ANO4: variants seen among roughly 807,000 people sequenced by gnomAD.
ANO4 encodes the protein anoctamin 4.
Under a neutral mutation model 141.9 loss-of-function variants are expected in ANO4, and 69 were observed. The observed-to-expected ratio is 0.49, with a 90% CI of 0.40 to 0.59. ANO4 has a LOEUF of 0.59. Among genes scored for constraint, ANO4 ranks in the 20% least tolerant of loss-of-function variants. The pLI is 0.00. For missense variants in ANO4, 894 were observed against 1,162.2 expected, an observed-to-expected ratio of 0.77 and a Z score of 3.36; for synonymous variants, 350 against 394.3, an observed-to-expected ratio of 0.89 and a Z score of 1.33.
chr12:100,912,521 G>A (rs1052434798), intron 2 of ANO4, among the ~76,000 whole-genome samples: 3 of 150,118 alleles, frequency 2.0e-5, no homozygotes, highest in Admixed American at 1.3e-4. Flanking sequence ...GTGACAGAGC[G>A]AGACTCCGTC....
intron 8 of ANO4, among the ~76,000 whole-genome samples, chr12:100,989,193 C>T (rs1481839537): frequency 6.6e-6 from 1 of 152,128 alleles, no homozygotes; most frequent in East Asian, 1.9e-4. Flanking sequence ...TTGAAGCAAA[C>T]ATGGAATTCA....
intron 2 of ANO4, among the ~76,000 whole-genome samples, chr12:100,913,367 A>G (rs2041197810): frequency 6.6e-6 from 1 of 152,196 alleles, no homozygotes; most frequent in Non-Finnish European, 1.5e-5. Context: ...ATAATTTTAT[A>G]TTTTAGAAGC....
At chr12:100,843,606 C>CA (rs2135820154) in intron 1 of ANO4, among the ~76,000 whole-genome samples, 1 of 152,298 alleles carries the variant, frequency 6.6e-6, no homozygotes, top group East Asian at 1.9e-4. Context: ...ATTTAGAAGA[C>CA]AGGTAGACGA....
chr12:101,004,342 TGTG>T lies in ANO4; in HGVS notation c.735-15688_735-15686del, dbSNP rs374958937. The stretch of plus-strand genomic sequence containing the variant: ...ACTCCTGGGGAGGAGATTCTGCCCT[TGTG>T]GTGCTGGGCCCTCAAGGATATGGGG... On this transcript the variant is annotated intron_variant, in intron 8 of 27. Coordinates refer to ENST00000392977, the MANE Select transcript of ANO4 (RefSeq NM_001286615.2). Among the ~76,000 whole-genome samples the T allele has an allele frequency of 1.1e-3, 171 of 151,992 alleles. 1 individual carries two copies. Among genetic ancestry groups the T allele is most frequent in the African/African-American group, 4.0e-3 (164 of 41,406 alleles).
At chr12:101,025,950 A>G (rs562589594) in intron 9 of ANO4, among the ~76,000 whole-genome samples, 1 of 152,338 alleles carries the variant, frequency 6.6e-6, no homozygotes, top group African/African-American at 2.4e-5. Context: ...ACATCTATGA[A>G]ATGCTTATAG....
At chr12:100,764,583 C>T (rs996395772) in intron 3 of ANO4, among the ~76,000 whole-genome samples, 6 of 152,176 alleles carry the variant, frequency 3.9e-5, no homozygotes, top group Non-Finnish European at 1.5e-5. Context: ...CACATATAAT[C>T]AGCAATGGTT....
intron 8 of ANO4, among the ~76,000 whole-genome samples, chr12:101,005,713 A>G: frequency 6.6e-6 from 1 of 152,338 alleles, no homozygotes; most frequent in Middle Eastern, 3.4e-3. Flanking sequence ...TTTGTTGATA[A>G]TTTTGATGGA....
intron 14 of ANO4, among the ~76,000 whole-genome samples, chr12:101,064,562 T>C (rs2048490228): frequency 6.6e-6 from 1 of 152,034 alleles, no homozygotes; most frequent in South Asian, 2.1e-4. Flanking sequence ...AAATGCCTAA[T>C]GTACATGATG....
chr12:101,054,088 G>T (rs148360463), intron 14 of ANO4, among the ~76,000 whole-genome samples: 1 of 152,140 alleles, frequency 6.6e-6, no homozygotes, highest in African/African-American at 2.4e-5. Context: ...AAAACCACAC[G>T]TGTAAAATGT....
intron 1 of ANO4, among the ~76,000 whole-genome samples, chr12:100,732,263 C>A (rs2031410197): frequency 6.6e-6 from 1 of 152,130 alleles, no homozygotes; most frequent in African/African-American, 2.4e-5. Context: ...AGATTTTGGC[C>A]ATTCTAATAA....
At chr12:100,985,873 A>G (rs974151671) in intron 7 of ANO4, among the ~76,000 whole-genome samples, 1 of 152,186 alleles carries the variant, frequency 6.6e-6, no homozygotes, top group African/African-American at 2.4e-5. Flanking sequence ...TTCAGCTGAG[A>G]GTTTCACTGT....
At chr12:101,108,262 A>G (rs938905875) in intron 22 of ANO4, among the ~76,000 whole-genome samples, 4 of 152,174 alleles carry the variant, frequency 2.6e-5, no homozygotes, top group Admixed American at 1.3e-4. Context: ...GCCCACATCT[A>G]TTTGTGGGTA....
chr12:100,985,239 A>G (rs1197406463), intron 7 of ANO4, among the ~76,000 whole-genome samples: 2 of 152,248 alleles, frequency 1.3e-5, no homozygotes, highest in Non-Finnish European at 2.9e-5. Context: ...AGCATAGACT[A>G]GTGATAGATG....
intron 14 of ANO4, among the ~76,000 whole-genome samples, chr12:101,053,931 T>C (rs545913072): frequency 2.6e-5 from 4 of 152,316 alleles, no homozygotes; most frequent in Admixed American, 6.5e-5. Flanking sequence ...TCATCAATTG[T>C]ATTTGGGAAA....
rs2042660894 is a variant in ANO4, at chr12:100,944,828, A to C, written c.456+2293A>C. 2.6e-5 allele frequency among the ~76,000 whole-genome samples: 4 copies of C among 152,314 alleles called. No individual in the cohort carries two copies. The South Asian group carries it at 6.2e-4, about 24-fold the overall frequency. On this transcript the variant is annotated intron_variant, in intron 5 of 27. Transcript: ENST00000392977. ...TATCCCTTGGCTGAACAGTAAACAA[A>C]CCTTCATCCTTTATTCTCATAATAA...
chr12:100,900,444 C>G (rs1461351445), intron 1 of ANO4, among the ~76,000 whole-genome samples: 1 of 134,898 alleles, frequency 7.4e-6, no homozygotes, highest in Non-Finnish European at 1.6e-5. Context: ...AATGCTATCC[C>G]TCCCCCCTCC....
intron 22 of ANO4, among the ~76,000 whole-genome samples, chr12:101,102,751 T>C (rs183567861): frequency 2.0e-5 from 3 of 152,284 alleles, no homozygotes; most frequent in African/African-American, 7.2e-5. Flanking sequence ...ATTTCTAATT[T>C]CTATAAAAAT....
At chr12:100,821,579 A>C (rs891272184) in intron 1 of ANO4, among the ~76,000 whole-genome samples, 2 of 94,646 alleles carry the variant, frequency 2.1e-5, no homozygotes, top group African/African-American at 7.4e-5. Context: ...AAGTTAAAAA[A>C]ATGTAAATTT....
chr12:100,729,314 A>ATT (rs1257577690), intron 1 of ANO4, among the ~76,000 whole-genome samples: 1 of 136,258 alleles, frequency 7.3e-6, no homozygotes, highest in East Asian at 2.6e-4. Flanking sequence ...AGATCACACA[A>ATT]TTGCACTCCA....
Sources: gnomAD v4.1 joint callset for allele counts (sites outside exome capture counted in the v4.1 genomes callset) on GRCh38, gnomAD v4.1.1 for gene constraint, MANE v1.5 for transcripts, NCBI Gene and HGNC (gene_info 2026-07-23, HGNC 2026-07-21) for gene names.